The following KCNT1 variants were observed in gnomAD, a reference collection of about 807,000 sequenced individuals.
KCNT1 encodes the protein potassium sodium-activated channel subfamily T member 1, also known as potassium channel subfamily T member 1.
Under a neutral mutation model 147.8 loss-of-function variants are expected in KCNT1, and 78 were observed. That is an observed-to-expected ratio of 0.53 (90% CI 0.44 to 0.64). The LOEUF is 0.64. KCNT1 is among the 30% of genes least tolerant of loss of function. The pLI, the probability that KCNT1 is intolerant of heterozygous loss-of-function variation, is 0.00. For missense variants in KCNT1, 1,419 were observed against 1,750.3 expected (o/e 0.81, Z 3.38); for synonymous variants, 867 against 748.8 (o/e 1.16, Z -2.58).
chr9:135,778,746 A>G lies in KCNT1; in HGVS notation c.2653A>G (p.Lys885Glu), dbSNP rs974652934. The change falls in exon 23 of 31, where the codon AAG becomes GAG. Residue 885 changes from lysine to glutamate, a missense_variant. By Grantham distance (56) the Lys-to-Glu change is moderately conservative. Coordinates refer to ENST00000371757, the MANE Select transcript of KCNT1 (RefSeq NM_020822.3). ...IYADNLVVVD[K>E]ESTMSAEEDY... Reference sequence around the variant, plus strand: ...TGCGGACAACCTGGTGGTGGTGGACAAGGAGAGCACCATGAGCGCCGAGGA... The same window carrying G: ...TGCGGACAACCTGGTGGTGGTGGACGAGGAGAGCACCATGAGCGCCGAGGA... 6.2e-7 allele frequency: 1 copy of G among 1,613,870 alleles called. No individual in the cohort carries two copies.
At chr9:135,722,726 G>A (rs938080470) in intron 2 of KCNT1, among the ~76,000 whole-genome samples, 2 of 152,214 alleles carry the variant, frequency 1.3e-5, no homozygotes, top group Non-Finnish European at 1.5e-5. Context: ...TCTTCTCACT[G>A]CGCCCACGGG....
chr9:135,788,013 G>A (rs967743313), intron 29 of KCNT1: 25 of 994,382 alleles, frequency 2.5e-5, no homozygotes, highest in African/African-American at 6.3e-5. Flanking sequence ...CCCTGCACCC[G>A]CCCACTGTGC....
intron 11 of KCNT1, among the ~76,000 whole-genome samples, chr9:135,760,370 T>C (rs1172149470): frequency 6.6e-6 from 1 of 152,038 alleles, no homozygotes; most frequent in Admixed American, 6.5e-5. Context: ...TGCCTCAGGG[T>C]GTGAAGTGCT....
chr9:135,715,572 C>G (rs1835691504), intron 2 of KCNT1, among the ~76,000 whole-genome samples: 1 of 152,232 alleles, frequency 6.6e-6, no homozygotes, highest in Admixed American at 6.5e-5. Context: ...CCACCCAGCC[C>G]TGGGCTCAGC....
intron 20 of KCNT1, among the ~76,000 whole-genome samples, chr9:135,776,931 C>T (rs1833212555): frequency 6.6e-6 from 1 of 152,248 alleles, no homozygotes; most frequent in South Asian, 2.1e-4. Flanking sequence ...CTCCAAGGAA[C>T]CCTGATTCCT....
chr9:135,742,935 C>T (rs1830640683), intron 2 of KCNT1: 6 of 668,958 alleles, frequency 9.0e-6, no homozygotes, highest in Admixed American at 2.2e-5. Flanking sequence ...CCAGGGCCAC[C>T]GGCACCTCCC....
intron 24 of KCNT1, among the ~76,000 whole-genome samples, chr9:135,782,235 A>G (rs970795086): frequency 6.6e-6 from 1 of 152,160 alleles, no homozygotes; most frequent in Non-Finnish European, 1.5e-5. Context: ...TGAAACTATT[A>G]TTAAGGATGC....
At chr9:135,783,969 GT>G (rs1833817684) in intron 24 of KCNT1, 54 bp from the exon 25 acceptor site, 8 of 1,401,540 alleles carry the variant, frequency 5.7e-6, no homozygotes, top group Non-Finnish European at 6.0e-6. Flanking sequence ...CGTGGCTGCC[GT>G]GCCACTGGAG....
At position 135,786,356 on chromosome 9, in the gene KCNT1, G is replaced by C. The variant is rs1302351309; in HGVS notation, c.3337G>C (p.Ala1113Pro). 6.3e-7 allele frequency: 1 copy of C among 1,583,500 alleles called. No individual in the cohort carries two copies. Among genetic ancestry groups the C allele is most frequent in the African/African-American group, 1.3e-5 (1 of 74,338 alleles). ...PLLRRKSLQW[A>P]RRLSRKAPKQ... ...GCTACGGCGCAAGAGCCTGCAGTGG[G>C]CCCGGAGGCTGAGCCGCAAGGCGCC... Residue 1113 changes from alanine (A) to proline (P), a missense_variant, in exon 29 of 31, where the codon GCC becomes CCC. Physicochemically the swap from Ala to Pro is conservative, Grantham distance 27. Around this residue, in one of 5 missense-constraint regions of KCNT1, gnomAD observed 306 missense variants for 294.2 expected, o/e 1.04. Transcript: ENST00000371757.
intron 19 of KCNT1, among the ~76,000 whole-genome samples, chr9:135,774,281 GTGTGT>G (rs1832971856): frequency 6.9e-6 from 1 of 145,832 alleles, no homozygotes; most frequent in African/African-American, 2.5e-5. Flanking sequence ...TGTGTGTGTG[GTGTGT>G]TGTGTGTGGT....
At chr9:135,704,954 G>A (rs990104393) in intron 1 of KCNT1, among the ~76,000 whole-genome samples, 2 of 152,208 alleles carry the variant, frequency 1.3e-5, no homozygotes, top group African/African-American at 4.8e-5. Flanking sequence ...AGCTCAGGAG[G>A]ACAGAGGTGA....
intron 6 of KCNT1, among the ~76,000 whole-genome samples, chr9:135,755,674 G>A (rs186786688): frequency 6.7e-5 from 10 of 149,848 alleles, no homozygotes; most frequent in Non-Finnish European, 1.5e-4. Flanking sequence ...AAATGCTGAG[G>A]ACAAACCCAG....
intron 2 of KCNT1, among the ~76,000 whole-genome samples, chr9:135,719,695 GC>G (rs1270750895): frequency 1.3e-5 from 2 of 152,200 alleles, no homozygotes; most frequent in Non-Finnish European, 2.9e-5. Flanking sequence ...GGGGCTTCCG[GC>G]AGGCAAGAGG....
chr9:135,749,885 G>A (rs1426789967), intron 2 of KCNT1, among the ~76,000 whole-genome samples: 2 of 152,142 alleles, frequency 1.3e-5, no homozygotes, highest in Non-Finnish European at 2.9e-5. Flanking sequence ...GGAATCTTCA[G>A]AGGAGCCGAG....
intron 2 of KCNT1, among the ~76,000 whole-genome samples, chr9:135,739,371 G>A (rs1022487236): frequency 4.6e-5 from 7 of 152,030 alleles, no homozygotes; most frequent in East Asian, 3.9e-4. Context: ...GCTGTGGCAC[G>A]CAGAGCCCCG....
At chr9:135,721,812 G>C (rs1340935883) in intron 2 of KCNT1, among the ~76,000 whole-genome samples, 1 of 152,186 alleles carries the variant, frequency 6.6e-6, no homozygotes, top group Non-Finnish European at 1.5e-5. Flanking sequence ...GACAGGGCTG[G>C]AGGCCAGGCC....
intron 2 of KCNT1, among the ~76,000 whole-genome samples, chr9:135,731,404 T>C (rs1461336753): frequency 6.6e-6 from 1 of 152,224 alleles, no homozygotes; most frequent in Non-Finnish European, 1.5e-5. Flanking sequence ...ACCTGTTCTA[T>C]AACCATATTT....
chr9:135,721,887 G>A (rs1272122720), intron 2 of KCNT1, among the ~76,000 whole-genome samples: 1 of 152,204 alleles, frequency 6.6e-6, no homozygotes. Context: ...GCCTGAGTCA[G>A]GGTGGGGGAA....
chr9:135,770,168 G>C, intron 16 of KCNT1, 113 bp downstream of exon 16: 1 of 1,382,190 alleles, frequency 7.2e-7, no homozygotes, highest in Non-Finnish European at 9.8e-7. Flanking sequence ...GGCACATGGC[G>C]GGCAAAAGTC....
Sources: gnomAD v4.1 joint callset for allele counts (sites outside exome capture counted in the v4.1 genomes callset) on GRCh38, gnomAD v4.1.1 for gene constraint, gnomAD v4.1.1 regional missense constraint, MANE v1.5 for transcripts, NCBI Gene and HGNC (gene_info 2026-07-23, HGNC 2026-07-21) for gene names.